Variants in FAT3 observed in about 807,000 individuals in gnomAD.
FAT3 encodes the protein FAT atypical cadherin 3, also known as protocadherin Fat 3.
FAT3 carries 95 observed loss-of-function variants against 310.2 expected under a neutral mutation model. That is an observed-to-expected ratio of 0.31 (90% CI 0.26 to 0.36). The LOEUF is 0.36. Among genes scored for constraint, FAT3 ranks in the 10% least tolerant of loss-of-function variants. FAT3 has a pLI of 1.00. For missense variants in FAT3, 5,408 were observed against 5,715.6 expected (o/e 0.95, Z 1.74); for synonymous variants, 2,314 against 2,192.9 (o/e 1.06, Z -1.54).
chr11:92,454,685 T>C lies in FAT3; in HGVS notation c.3293-69949T>C, dbSNP rs561365810. The stretch of plus-strand genomic sequence containing the variant: ...CATGTTTTAGAACTCTGATAGGCAT[T>C]TGGATGTGGCTGAAAAATATTGAGA... On this transcript the variant is annotated intron_variant, in intron 2 of 27. Coordinates refer to ENST00000525166, the MANE Select transcript of FAT3 (RefSeq NM_001367949.2). 3.9e-5 allele frequency among the ~76,000 whole-genome samples: 6 copies of C among 152,282 alleles called. No homozygotes were observed. The South Asian group carries it at 8.3e-4, about 21-fold the overall frequency.
chr11:92,550,241 T>C (rs1433974282), intron 3 of FAT3, among the ~76,000 whole-genome samples: 2 of 152,298 alleles, frequency 1.3e-5, no homozygotes, highest in East Asian at 1.9e-4. Flanking sequence ...GGTCTTTTTT[T>C]CACATATATG....
At chr11:92,691,490 G>A (rs1943797782) in intron 3 of FAT3, among the ~76,000 whole-genome samples, 1 of 151,968 alleles carries the variant, frequency 6.6e-6, no homozygotes, top group African/African-American at 2.4e-5. Flanking sequence ...CAAACTCCTG[G>A]GCTCAAGCCA....
At chr11:92,666,050 A>G (rs972264477) in intron 3 of FAT3, among the ~76,000 whole-genome samples, 5 of 152,148 alleles carry the variant, frequency 3.3e-5, no homozygotes, top group African/African-American at 1.2e-4. Flanking sequence ...ACTGCACTCT[A>G]AGCTTATATT....
chr11:92,448,134 A>C (rs1350076427), intron 2 of FAT3, among the ~76,000 whole-genome samples: 1 of 152,060 alleles, frequency 6.6e-6, no homozygotes, highest in Non-Finnish European at 1.5e-5. Flanking sequence ...GATTAAAATC[A>C]CACTTACCTT....
chr11:92,585,188 G>C (rs891563459), intron 3 of FAT3, among the ~76,000 whole-genome samples: 2 of 151,996 alleles, frequency 1.3e-5, no homozygotes, highest in Non-Finnish European at 2.9e-5. Flanking sequence ...TGAAGGGTTG[G>C]GGGACAAGAA....
At chr11:92,562,214 G>A (rs1020312902) in intron 3 of FAT3, among the ~76,000 whole-genome samples, 64 of 151,978 alleles carry the variant, frequency 4.2e-4, no homozygotes, top group African/African-American at 1.5e-3. Flanking sequence ...ATATTCATAT[G>A]CAATTTATAT....
chr11:92,349,859 C>T (rs984924089), intron 1 of FAT3, among the ~76,000 whole-genome samples: 5 of 151,950 alleles, frequency 3.3e-5, no homozygotes, highest in Non-Finnish European at 7.4e-5. Flanking sequence ...TCTGTAACTC[C>T]ATGTTTTCTA....
intron 4 of FAT3, among the ~76,000 whole-genome samples, chr11:92,752,928 C>T (rs1001901579): frequency 1.3e-5 from 2 of 152,174 alleles, no homozygotes; most frequent in African/African-American, 4.8e-5. Flanking sequence ...AATAAGGACT[C>T]ATTATATATA....
intron 2 of FAT3, chr11:92,400,086 C>T (rs757080157): frequency 2.0e-5 from 3 of 152,178 alleles, no homozygotes; most frequent in Admixed American, 6.6e-5. Context: ...AAATACACTT[C>T]GCAGTGGAGT....
intron 3 of FAT3, among the ~76,000 whole-genome samples, chr11:92,599,557 G>A (rs1939905588): frequency 6.6e-6 from 1 of 152,194 alleles, no homozygotes; most frequent in South Asian, 2.1e-4. Context: ...TAGGAAGAAA[G>A]ATGAGTGGGA....
At chr11:92,268,862 G>A (rs926745964) in intron 1 of FAT3, among the ~76,000 whole-genome samples, 2 of 152,068 alleles carry the variant, frequency 1.3e-5, no homozygotes, top group African/African-American at 4.8e-5. Flanking sequence ...GAAAGGGGAA[G>A]AAAAAAGAAA....
chr11:92,578,997 AGG>A (rs1189057693), intron 3 of FAT3, among the ~76,000 whole-genome samples: 1 of 152,158 alleles, frequency 6.6e-6, no homozygotes, highest in Non-Finnish European at 1.5e-5. Context: ...ATTACTTATA[AGG>A]ACATTTCTAA....
At chr11:92,497,869 GGGA>G (rs1165166207) in intron 2 of FAT3, among the ~76,000 whole-genome samples, 1 of 151,972 alleles carries the variant, frequency 6.6e-6, no homozygotes, top group Non-Finnish European at 1.5e-5. Context: ...ATACTTCTGG[GGGA>G]GACTTTTCTG....
intron 7 of FAT3, among the ~76,000 whole-genome samples, chr11:92,775,964 C>T (rs1178616310): frequency 2.0e-5 from 3 of 152,092 alleles, no homozygotes; most frequent in Non-Finnish European, 2.9e-5. Context: ...AGTCCAAAAG[C>T]GCACCCCCAA....
chr11:92,484,408 T>G (rs1952316258), intron 2 of FAT3, among the ~76,000 whole-genome samples: 1 of 152,192 alleles, frequency 6.6e-6, no homozygotes, highest in South Asian at 2.1e-4. Flanking sequence ...CTCTGGGAGA[T>G]ACTGCTTAAA....
intron 2 of FAT3, among the ~76,000 whole-genome samples, chr11:92,430,589 C>A (rs1397294523): frequency 6.6e-6 from 1 of 151,834 alleles, no homozygotes; most frequent in East Asian, 1.9e-4. Context: ...ATACATGTGT[C>A]ATGTTGGTGT....
intron 4 of FAT3, among the ~76,000 whole-genome samples, chr11:92,736,410 C>G (rs1945349724): frequency 6.6e-6 from 1 of 152,268 alleles, no homozygotes; most frequent in Middle Eastern, 3.4e-3. Context: ...TTCAGGTAAT[C>G]ATGAAGATGA....
chr11:92,237,918 C>G (rs1044616615), intron 1 of FAT3, among the ~76,000 whole-genome samples: 2 of 151,990 alleles, frequency 1.3e-5, no homozygotes, highest in Non-Finnish European at 2.9e-5. Flanking sequence ...AAGAAAATAG[C>G]TATGATTTAT....
intron 2 of FAT3, among the ~76,000 whole-genome samples, chr11:92,513,584 A>G (rs1953377670): frequency 6.6e-6 from 1 of 152,028 alleles, no homozygotes; most frequent in South Asian, 2.1e-4. Context: ...AGTGCAGGGA[A>G]CTCTCTATAT....
Sources: gnomAD v4.1 joint callset for allele counts (sites outside exome capture counted in the v4.1 genomes callset) on GRCh38, gnomAD v4.1.1 for gene constraint, MANE v1.5 for transcripts, NCBI Gene and HGNC (gene_info 2026-07-23, HGNC 2026-07-21) for gene names.